Variants in GNG12 observed in about 807,000 individuals in gnomAD.
The protein encoded by GNG12 is guanine nucleotide-binding protein G(I)/G(S)/G(O) subunit gamma-12.
For synonymous variants in GNG12, 28 were observed against 29.7 expected, an observed-to-expected ratio of 0.94 and a Z score of 0.19; for missense variants, 69 against 83.8, an observed-to-expected ratio of 0.82 and a Z score of 0.69.
In GNG12 at chr1:67,782,288, T is replaced by C. The variant is rs17130272; in HGVS notation, c.-76-4781A>G. ...GGCTACCAACTTTGTAAAGTAATAC[T>C]ATATGTGTCAAAGAATTATAAATTC... On this transcript the variant is annotated intron_variant, in intron 1 of 3. Transcript: ENST00000370982. Among the ~76,000 whole-genome samples the C allele has an allele frequency of 5.4e-3, 815 of 152,330 alleles. 6 individuals carry two copies. Among genetic ancestry groups the C allele is most frequent in the African/African-American group, 0.019 (779 of 41,570 alleles).
intron 3 of GNG12, 89 bp from the exon 4 acceptor site, chr1:67,705,665 G>C (rs893861483): frequency 2.0e-6 from 3 of 1,466,896 alleles, no homozygotes; most frequent in Non-Finnish European, 2.7e-6. Flanking sequence ...CTATTGAATG[G>C]AAGACTGATT....
In GNG12 at chr1:67,705,467, G is replaced by A. The variant is rs1557590021; in HGVS notation, c.203C>T (p.Thr68Ile). ...TSENPFKDKK[T>I]CIIL ...TCTATTCCACTATAAGATGATGCAA[G>A]TTTTTTTATCCTTGAAAGGGTTTTC... The change falls in exon 4 of 4, where the codon ACT becomes ATT. Residue 68 changes from threonine to isoleucine, a missense_variant. Thr to Ile is a moderately conservative substitution (Grantham distance 89). Transcript: ENST00000370982. 1.9e-6 allele frequency: 3 copies of A among 1,613,972 alleles called. No individual in the cohort carries two copies. Among genetic ancestry groups the A allele is most frequent in the Non-Finnish European group, 1.7e-6 (2 of 1,179,950 alleles).
chr1:67,737,960 C>T (rs943621391), intron 2 of GNG12, among the ~76,000 whole-genome samples: 1 of 152,026 alleles, frequency 6.6e-6, no homozygotes, highest in African/African-American at 2.4e-5. Context: ...CTTTTCTTTT[C>T]CTTTTTTTTT....
intron 2 of GNG12, among the ~76,000 whole-genome samples, chr1:67,719,068 T>C (rs905577429): frequency 2.6e-5 from 4 of 152,130 alleles, no homozygotes; most frequent in Admixed American, 6.6e-5. Flanking sequence ...TTGGTTGGGA[T>C]TTGAGACCAG....
At chr1:67,798,970 A>C (rs1646848316) in intron 1 of GNG12, among the ~76,000 whole-genome samples, 1 of 151,868 alleles carries the variant, frequency 6.6e-6, no homozygotes, top group African/African-American at 2.4e-5. Context: ...ATATAAATAA[A>C]TAAATAAATA....
rs141370349 is a variant in GNG12 at position 67,807,628 on chromosome 1, G to A, written c.-77+25716C>T. ...AATTACCAATATTAGATATAAAGGA[G>A]GGGACACTACTACAGATCCCATATA... On this transcript the variant is annotated intron_variant, in intron 1 of 3. Transcript: ENST00000370982. Among the ~76,000 whole-genome samples, 60 of 151,904 alleles carry A rather than the reference G, an allele frequency of 3.9e-4. 3 individuals carry two copies. In the East Asian group the frequency reaches 0.011, roughly 27 times the overall value.
chr1:67,803,679 T>C (rs535984449), intron 1 of GNG12, among the ~76,000 whole-genome samples: 1 of 152,356 alleles, frequency 6.6e-6, no homozygotes, highest in Non-Finnish European at 1.5e-5. Context: ...GTTCCCTTTT[T>C]AGAGATGCTT....
At chr1:67,738,648 G>A (rs1019033090) in intron 2 of GNG12, among the ~76,000 whole-genome samples, 3 of 152,170 alleles carry the variant, frequency 2.0e-5, no homozygotes, top group African/African-American at 4.8e-5. Flanking sequence ...TCTGGGAGGC[G>A]GGAGGATCAC....
chr1:67,747,241 T>C (rs149429935), intron 2 of GNG12, among the ~76,000 whole-genome samples: 34 of 152,198 alleles, frequency 2.2e-4, no homozygotes, highest in Non-Finnish European at 4.1e-4. Flanking sequence ...TGCCTCAATC[T>C]CCTGAGTAGC....
chr1:67,794,376 T>C (rs1009296849), intron 1 of GNG12, among the ~76,000 whole-genome samples: 10 of 152,180 alleles, frequency 6.6e-5, no homozygotes, highest in Non-Finnish European at 4.4e-5. Flanking sequence ...AGGATTCTGC[T>C]TCCTCACAAA....
intron 2 of GNG12, among the ~76,000 whole-genome samples, chr1:67,758,677 C>T (rs1259756612): frequency 6.6e-6 from 1 of 152,112 alleles, no homozygotes; most frequent in African/African-American, 2.4e-5. Flanking sequence ...ACAAACCCAC[C>T]CAAAAAAGTC....
chr1:67,805,761 C>T (rs938903561), intron 1 of GNG12, among the ~76,000 whole-genome samples: 3 of 150,886 alleles, frequency 2.0e-5, no homozygotes, highest in Non-Finnish European at 3.0e-5. Context: ...CTGAAAATTC[C>T]CCCAAATTAA....
At chr1:67,790,226 C>A (rs1646793826) in intron 1 of GNG12, among the ~76,000 whole-genome samples, 1 of 152,174 alleles carries the variant, frequency 6.6e-6, no homozygotes, top group African/African-American at 2.4e-5. Context: ...TGGGTAAAGC[C>A]ACCTTTGCTG....
At chr1:67,737,568 G>C (rs1344277068) in intron 2 of GNG12, among the ~76,000 whole-genome samples, 2 of 151,854 alleles carry the variant, frequency 1.3e-5, no homozygotes, top group African/African-American at 2.4e-5. Flanking sequence ...AAAGAGCTTG[G>C]ACTAGATCAG....
intron 2 of GNG12, among the ~76,000 whole-genome samples, chr1:67,740,357 T>A (rs967577940): frequency 6.6e-6 from 1 of 152,270 alleles, no homozygotes. Context: ...TTACAGCCAG[T>A]GGGCCAAATC....
At chr1:67,827,730 T>C (rs1647019681) in intron 1 of GNG12, among the ~76,000 whole-genome samples, 1 of 152,040 alleles carries the variant, frequency 6.6e-6, no homozygotes, top group South Asian at 2.1e-4. Flanking sequence ...CAGCCAACAC[T>C]CCAGTTTTTA....
chr1:67,771,999 C>T (rs1294574437), intron 2 of GNG12, among the ~76,000 whole-genome samples: 1 of 152,116 alleles, frequency 6.6e-6, no homozygotes, highest in African/African-American at 2.4e-5. Flanking sequence ...CTACACTTTA[C>T]TAATTGAGCC....
At chr1:67,729,174 A>G (rs1055899329) in intron 2 of GNG12, among the ~76,000 whole-genome samples, 3 of 152,032 alleles carry the variant, frequency 2.0e-5, no homozygotes. Context: ...GTTGTCCTTG[A>G]AGATTTTGCC....
chr1:67,783,109 G>A (rs1424495217), intron 1 of GNG12, among the ~76,000 whole-genome samples: 1 of 152,146 alleles, frequency 6.6e-6, no homozygotes, highest in Admixed American at 6.6e-5. Context: ...TCTTAGCACA[G>A]TGCCACTAGG....
Sources: gnomAD v4.1 joint callset for allele counts (sites outside exome capture counted in the v4.1 genomes callset) on GRCh38, gnomAD v4.1.1 for gene constraint, MANE v1.5 for transcripts, NCBI Gene and HGNC (gene_info 2026-07-23, HGNC 2026-07-21) for gene names.